The following TET1 variants were observed in gnomAD, a reference collection of about 807,000 sequenced individuals.
The protein encoded by TET1 is tet methylcytosine dioxygenase 1, also known as methylcytosine dioxygenase TET1.
In TET1, 13 loss-of-function variants were observed where a neutral mutation model predicts 148.7. That is an observed-to-expected ratio of 0.09 (90% CI 0.06 to 0.14). The LOEUF is 0.14. TET1 is among the 10% of genes least tolerant of loss of function. TET1 has a pLI of 1.00. For synonymous variants in TET1, 907 were observed against 937.2 expected, an observed-to-expected ratio of 0.97 and a Z score of 0.59; for missense variants, 2,182 against 2,553.8, an observed-to-expected ratio of 0.85 and a Z score of 3.14.
At chr10:68,640,137 G>A (rs1205332597) in intron 3 of TET1, among the ~76,000 whole-genome samples, 1 of 152,058 alleles carries the variant, frequency 6.6e-6, no homozygotes, top group Non-Finnish European at 1.5e-5. Context: ...ATGTTGGTCA[G>A]GCTGGTCTTG....
At chr10:68,666,971 A>G (rs775834723) in intron 6 of TET1, 74 bp from the exon 7 acceptor site, 6 of 1,245,820 alleles carry the variant, frequency 4.8e-6, no homozygotes, top group African/African-American at 3.0e-5. Flanking sequence ...CATGGAGAAC[A>G]TCAAAAGGAA....
chr10:68,582,934 G>A (rs1273040429), intron 2 of TET1, among the ~76,000 whole-genome samples: 1 of 152,136 alleles, frequency 6.6e-6, no homozygotes, highest in Non-Finnish European at 1.5e-5. Context: ...GTAGATATTC[G>A]TGTATAACCT....
chr10:68,672,901 C>G lies in TET1; in HGVS notation c.4680C>G (p.Thr1560=). 1 of 1,609,068 alleles carries G rather than the reference C, an allele frequency of 6.2e-7. No homozygotes were observed. The highest frequency in any genetic ancestry group is 8.5e-7 in the Non-Finnish European group (1 of 1,176,562). The change falls in exon 8 of 12, where the codon ACC becomes ACG. Residue 1560 remains threonine (T), a synonymous_variant. Coordinates refer to ENST00000373644, the MANE Select transcript of TET1 (RefSeq NM_030625.3). ...DRRCTLNENR[T]CTCQGIDPET... is the part of the protein sequence containing the mutation. ...TTGAATTACAATCTTACAGTCGTAC[C>G]TGTACATGTCAAGGAATTGATCCAG...
intron 2 of TET1, among the ~76,000 whole-genome samples, chr10:68,595,519 T>C (rs948011793): frequency 6.6e-6 from 1 of 151,156 alleles, no homozygotes; most frequent in African/African-American, 2.4e-5. Context: ...TTCTTATCAA[T>C]CCAGAGGTGC....
chr10:68,586,651 T>G (rs574204325), intron 2 of TET1, among the ~76,000 whole-genome samples: 1 of 152,142 alleles, frequency 6.6e-6, no homozygotes, highest in Admixed American at 6.5e-5. Context: ...GTTTTTTTTT[T>G]TTTTTAACAG....
At chr10:68,561,813 T>C (rs1590148504) in intron 1 of TET1, among the ~76,000 whole-genome samples, 1 of 151,228 alleles carries the variant, frequency 6.6e-6, no homozygotes, top group African/African-American at 2.4e-5. Context: ...TGGTAATCTT[T>C]CCACGTGAAC....
intron 2 of TET1, among the ~76,000 whole-genome samples, chr10:68,594,781 C>A (rs1463212159): frequency 6.6e-6 from 1 of 152,020 alleles, no homozygotes; most frequent in African/African-American, 2.4e-5. Flanking sequence ...GAGTTTAAGA[C>A]CAGCCTGGCC....
intron 2 of TET1, among the ~76,000 whole-genome samples, chr10:68,590,040 T>C (rs1161078780): frequency 1.3e-5 from 2 of 152,210 alleles, no homozygotes; most frequent in African/African-American, 4.8e-5. Context: ...GTTTTCTTAA[T>C]TAGTGGCAGC....
chr10:68,600,014 A>G (rs1246327977), intron 2 of TET1, among the ~76,000 whole-genome samples: 1 of 152,144 alleles, frequency 6.6e-6, no homozygotes, highest in Non-Finnish European at 1.5e-5. Flanking sequence ...ATTGACAGAA[A>G]TCAAATTGCT....
intron 6 of TET1, among the ~76,000 whole-genome samples, chr10:68,662,289 A>G (rs1484674792): frequency 1.3e-5 from 2 of 152,142 alleles, no homozygotes; most frequent in African/African-American, 4.8e-5. Context: ...GATTACAGGC[A>G]TGAGCTACCG....
chr10:68,647,237 G>A (rs981397214), intron 4 of TET1, among the ~76,000 whole-genome samples: 4 of 152,106 alleles, frequency 2.6e-5, no homozygotes, highest in Admixed American at 6.6e-5. Flanking sequence ...AGGTAAACCC[G>A]CTCAAGTGGA....
rs747878740 is a variant in TET1 at position 68,690,877 on chromosome 10, C to T, written c.5474C>T (p.Ser1825Leu). Residue 1825 changes from serine (S) to leucine (L), a missense_variant, in exon 12 of 12, where the codon TCA becomes TTA. Transcript: ENST00000373644. Reference sequence around the variant, plus strand: ...GAACCCCATTTTATCTTAAAAAGTTCAGACAACACTAAAACTTATTCGCTG... The same window carrying T: ...GAACCCCATTTTATCTTAAAAAGTTTAGACAACACTAAAACTTATTCGCTG... ...ETEPHFILKS[S>L]DNTKTYSLMP... is the part of the protein sequence containing the mutation. The T allele has an allele frequency of 6.2e-6, 10 of 1,614,124 alleles. No individual in the cohort carries two copies. The highest frequency in any genetic ancestry group is 8.5e-6 in the Non-Finnish European group (10 of 1,180,016).
At chr10:68,597,274 T>C (rs921160322) in intron 2 of TET1, among the ~76,000 whole-genome samples, 1 of 152,098 alleles carries the variant, frequency 6.6e-6, no homozygotes, top group African/African-American at 2.4e-5. Flanking sequence ...CCTGAAGTGA[T>C]CCACCTGCCT....
At chr10:68,570,251 C>A (rs929182549) in intron 1 of TET1, among the ~76,000 whole-genome samples, 2 of 152,000 alleles carry the variant, frequency 1.3e-5, no homozygotes, top group South Asian at 4.2e-4. Flanking sequence ...ATTACAGGCG[C>A]CTGCCACCAC....
chr10:68,576,816 A>G (rs2053736360), intron 2 of TET1, among the ~76,000 whole-genome samples: 1 of 151,912 alleles, frequency 6.6e-6, no homozygotes, highest in Non-Finnish European at 1.5e-5. Context: ...CCCAAGTTCA[A>G]GCAACTTCTC....
chr10:68,562,352 AG>A (rs1437262865), intron 1 of TET1, among the ~76,000 whole-genome samples: 1 of 152,232 alleles, frequency 6.6e-6, no homozygotes, highest in African/African-American at 2.4e-5. Context: ...AACCAGGGGC[AG>A]GGGTACACGT....
Position 68,613,059 on chromosome 10 carries a change from G to C in TET1, c.1968+12025G>C, listed in dbSNP as rs151143638. ...AATAATTGAATTCATACACATTATA[G>C]CTTAACTTCAGTCAGTTAAGTCAGA... On this transcript the variant is annotated intron_variant, in intron 3 of 11. Transcript: ENST00000373644. 2.8e-3 allele frequency among the ~76,000 whole-genome samples: 428 copies of C among 152,264 alleles called. 2 individuals are homozygous for C. Among genetic ancestry groups the C allele is most frequent in the African/African-American group, 9.6e-3 (400 of 41,540 alleles).
chr10:68,669,306 C>CT (rs1220546232), intron 7 of TET1, among the ~76,000 whole-genome samples: 3 of 151,016 alleles, frequency 2.0e-5, no homozygotes, highest in East Asian at 1.9e-4. Flanking sequence ...TCAGCGGAGT[C>CT]TTTTTTTTCC....
chr10:68,654,125 A>AAAAAAAG (rs1564494274), intron 6 of TET1, among the ~76,000 whole-genome samples: 1 of 147,658 alleles, frequency 6.8e-6, no homozygotes. Context: ...AAAAAAAAAA[A>AAAAAAAG]GCATGGATTG....
Sources: allele counts gnomAD v4.1 joint callset (sites outside exome capture counted in the v4.1 genomes callset), GRCh38; gene constraint gnomAD v4.1.1; transcripts MANE v1.5; gene names NCBI Gene and HGNC (gene_info 2026-07-23, HGNC 2026-07-21).